The following INVS variants were observed in gnomAD, a reference collection of about 807,000 sequenced individuals.
INVS encodes inversin.
Under a neutral mutation model 108.8 loss-of-function variants are expected in INVS, and 86 were observed. The ratio of observed to expected loss-of-function variants is 0.79; its 90% CI spans 0.66 to 0.95. The LOEUF (loss-of-function observed/expected upper bound fraction) is 0.95, where lower values mean the gene tolerates loss of function less well. Among genes scored for constraint, INVS ranks in the 40% least tolerant of loss-of-function variants. The pLI, the probability that INVS is intolerant of heterozygous loss-of-function variation, is 0.00. For synonymous variants in INVS, 455 were observed against 473.5 expected (o/e 0.96, Z 0.51); for missense variants, 1,169 against 1,297.4 (o/e 0.90, Z 1.52).
intron 5 of INVS, among the ~76,000 whole-genome samples, chr9:100,236,269 C>T (rs1055307381): frequency 1.3e-5 from 2 of 152,266 alleles, no homozygotes; most frequent in Middle Eastern, 3.4e-3. Context: ...AATCTTTTAT[C>T]AAGGTTCTTA....
At chr9:100,220,144 A>AAAT (rs1831101575) in intron 3 of INVS, among the ~76,000 whole-genome samples, 1 of 152,114 alleles carries the variant, frequency 6.6e-6, no homozygotes, top group Non-Finnish European at 1.5e-5. Context: ...TTTTAAAAAA[A>AAAT]GGAGTTCATC....
At chr9:100,277,702 A>G (rs1050946686) in intron 12 of INVS, among the ~76,000 whole-genome samples, 6 of 152,332 alleles carry the variant, frequency 3.9e-5, no homozygotes, top group Non-Finnish European at 7.3e-5. Context: ...CTGTAAGTCA[A>G]AGGTCCTAAG....
Position 100,129,307 on chromosome 9 carries a change from C to A in INVS, c.273+2758C>A, listed in dbSNP as rs144167541. Among the ~76,000 whole-genome samples, 98 of 151,972 alleles carry A rather than the reference C, an allele frequency of 6.4e-4. 1 individual carries two copies. The highest frequency in any genetic ancestry group is 2.3e-3 in the African/African-American group (94 of 41,450). On this transcript the variant is annotated intron_variant, in intron 3 of 16. Transcript: ENST00000262457. ...GACCAGCCTGGGCAACATGACGAAA[C>A]CCTGTCTCTACTAAAAACACACACA... is the stretch of plus-strand genomic sequence containing the variant.
At chr9:100,178,261 A>C (rs1829777357) in intron 3 of INVS, among the ~76,000 whole-genome samples, 1 of 152,174 alleles carries the variant, frequency 6.6e-6, no homozygotes. Flanking sequence ...AAGGGAACAA[A>C]ACTGGACAGA....
intron 3 of INVS, among the ~76,000 whole-genome samples, chr9:100,134,867 A>G (rs1011925340): frequency 1.2e-4 from 18 of 152,244 alleles, no homozygotes; most frequent in African/African-American, 4.3e-4. Flanking sequence ...GACACGTTCA[A>G]CCACATAAGT....
intron 2 of INVS, among the ~76,000 whole-genome samples, chr9:100,113,206 C>G (rs997052438): frequency 6.6e-5 from 10 of 152,172 alleles, no homozygotes; most frequent in Admixed American, 4.6e-4. Context: ...ATTGAAGGCT[C>G]TAGTACAAAG....
rs975628912 is a variant in INVS, at chr9:100,161,378, A to C, written c.273+34829A>C. Among the ~76,000 whole-genome samples the C allele has an allele frequency of 6.1e-5, 7 of 114,602 alleles. No homozygotes were observed. In the East Asian group the frequency reaches 7.8e-4, roughly 13 times the overall value. The allele number at this position is 114,602 out of a possible 152,430, so 75.2% of individuals were successfully genotyped here. On this transcript the variant is annotated intron_variant, in intron 3 of 16. Transcript: ENST00000262457. ...GACTTCCATCTCAAAAAAAAAAAAA[A>C]AAAAAAAAAAAAAACCTCATAAATT...
intron 12 of INVS, among the ~76,000 whole-genome samples, chr9:100,279,666 T>G (rs1833219113): frequency 6.6e-6 from 1 of 152,196 alleles, no homozygotes; most frequent in Admixed American, 6.5e-5. Context: ...TAGGCAAAGC[T>G]GGGTTAAATC....
intron 10 of INVS, among the ~76,000 whole-genome samples, chr9:100,260,186 C>CTTTTTTTTT (rs372496395): frequency 2.0e-5 from 2 of 101,496 alleles, no homozygotes; most frequent in Admixed American, 1.1e-4. Flanking sequence ...ATTTTCTTTT[C>CTTTTTTTTT]TTTTTTTTTT....
intron 3 of INVS, among the ~76,000 whole-genome samples, chr9:100,209,003 A>G (rs1030345702): frequency 1.8e-4 from 27 of 152,170 alleles, no homozygotes; most frequent in African/African-American, 6.0e-4. Context: ...ACTTGCTCAC[A>G]GTTATTAATA....
chr9:100,278,106 T>G (rs1833162154), intron 12 of INVS, among the ~76,000 whole-genome samples: 1 of 151,770 alleles, frequency 6.6e-6, no homozygotes, highest in African/African-American at 2.4e-5. Context: ...GTGTAGTGGC[T>G]TATACCTGTA....
intron 8 of INVS, among the ~76,000 whole-genome samples, chr9:100,247,106 TTAAAAC>T (rs1216529926): frequency 6.6e-6 from 1 of 152,076 alleles, no homozygotes; most frequent in Non-Finnish European, 1.5e-5. Flanking sequence ...AACCTACACT[TTAAAAC>T]TATCCATATT....
At chr9:100,105,850 C>CTTTTTTTTTTTTTTTTTTTTTT (rs543070811) in intron 2 of INVS, among the ~76,000 whole-genome samples, 3 of 63,798 alleles carry the variant, frequency 4.7e-5, no homozygotes, top group East Asian at 7.5e-4. Flanking sequence ...GAAAAATTCC[C>CTTTTTTTTTTTTTTTTTTTTTT]TTTTTTTTTT....
intron 3 of INVS, among the ~76,000 whole-genome samples, chr9:100,170,935 G>A (rs531807389): frequency 6.6e-6 from 1 of 152,308 alleles, no homozygotes; most frequent in South Asian, 2.1e-4. Flanking sequence ...TAGGAAAGGA[G>A]TAAGCCTAGG....
intron 3 of INVS, among the ~76,000 whole-genome samples, chr9:100,145,091 G>A (rs1365874735): frequency 6.6e-6 from 1 of 152,094 alleles, no homozygotes; most frequent in African/African-American, 2.4e-5. Context: ...AAGTTGTTTA[G>A]GTTTTAGGTC....
At chr9:100,138,142 AT>A (rs1828291755) in intron 3 of INVS, among the ~76,000 whole-genome samples, 1 of 152,194 alleles carries the variant, frequency 6.6e-6, no homozygotes, top group Admixed American at 6.5e-5. Flanking sequence ...ATGGTGGCTC[AT>A]GTCTGTAATC....
intron 3 of INVS, among the ~76,000 whole-genome samples, chr9:100,224,646 C>T (rs1341499447): frequency 1.3e-5 from 2 of 151,684 alleles, no homozygotes; most frequent in African/African-American, 2.4e-5. Flanking sequence ...AAATGGAGTC[C>T]GGCTCTGTCA....
rs1265707220 is a variant in INVS at position 100,129,323 on chromosome 9, A to AAC, written c.273+2784_273+2785dup. 4.0e-5 allele frequency among the ~76,000 whole-genome samples: 6 copies of AAC among 151,756 alleles called. No homozygotes were observed. In the East Asian group the frequency reaches 1.2e-3, roughly 29 times the overall value. ...ATGACGAAACCCTGTCTCTACTAAAAACACACACACATACACACACACAAA... is the reference window on the plus strand; with the variant it reads ...ATGACGAAACCCTGTCTCTACTAAAAACACACACACACATACACACACACAAA... On this transcript the variant is annotated intron_variant, in intron 3 of 16. Transcript: ENST00000262457.
chr9:100,154,050 C>G (rs2118989749), intron 3 of INVS, among the ~76,000 whole-genome samples: 1 of 152,312 alleles, frequency 6.6e-6, no homozygotes, highest in East Asian at 1.9e-4. Context: ...TTTGATCTGT[C>G]ACTTCTGGGA....
Sources: allele counts gnomAD v4.1 joint callset (sites outside exome capture counted in the v4.1 genomes callset), GRCh38; gene constraint gnomAD v4.1.1; transcripts MANE v1.5; gene names NCBI Gene and HGNC (gene_info 2026-07-23, HGNC 2026-07-21).